Variants in SEC23A observed in about 807,000 individuals in gnomAD.
SEC23A encodes SEC23 homolog A, COPII component, also known as protein transport protein Sec23A.
A neutral mutation model predicts 103.7 loss-of-function variants in SEC23A; 56 were observed. That is an observed-to-expected ratio of 0.54 (90% confidence interval 0.44 to 0.67). The LOEUF (loss-of-function observed/expected upper bound fraction) is 0.67. SEC23A is among the 30% of genes least tolerant of loss of function. SEC23A has a pLI of 0.00. For synonymous variants in SEC23A, 281 were observed against 293.0 expected (o/e 0.96, Z 0.42); for missense variants, 784 against 936.4 (o/e 0.84, Z 2.12).
At chr14:39,054,638 A>AT (rs1044214789) in intron 14 of SEC23A, among the ~76,000 whole-genome samples, 21 of 150,526 alleles carry the variant, frequency 1.4e-4, no homozygotes, top group East Asian at 5.9e-4. Flanking sequence ...TGCCTGGCCA[A>AT]TTTTTTTTTG....
chr14:39,074,666 T>C, intron 8 of SEC23A, 136 bp from the exon 9 acceptor site: 1 of 624,338 alleles, frequency 1.6e-6, no homozygotes, highest in Non-Finnish European at 2.8e-6. Context: ...TAACTTTCTG[T>C]AATGTTAATA....
At chr14:39,050,743 A>C (rs914915558) in intron 14 of SEC23A, among the ~76,000 whole-genome samples, 1 of 152,134 alleles carries the variant, frequency 6.6e-6, no homozygotes, top group Non-Finnish European at 1.5e-5. Flanking sequence ...ACTTGAGCCC[A>C]GGAGTTCAAG....
chr14:39,040,318 T>C (rs1885596614), intron 18 of SEC23A: 3 of 173,570 alleles, frequency 1.7e-5, no homozygotes, highest in South Asian at 2.7e-4. Flanking sequence ...TTCTAGAAAA[T>C]TGGAATGATA....
chr14:39,073,191 A>AAAAAT lies in SEC23A; in HGVS notation c.1103+1219_1103+1223dup, dbSNP rs540475177. ...CCTTGTTCCCTTTTTACTCAGCAGT[A>AAAAAT]AAAATAAAATAAAATAAAATAAAAT... On this transcript the variant is annotated intron_variant, in intron 9 of 19. Coordinates refer to ENST00000307712, the MANE Select transcript of SEC23A (RefSeq NM_006364.4). Among the ~76,000 whole-genome samples the AAAAAT allele has an allele frequency of 3.0e-4, 46 of 152,324 alleles. No individual in the cohort carries two copies. In the East Asian group the frequency reaches 5.2e-3, roughly 17 times the overall value.
At chr14:39,044,310 C>A (rs1275257473) in intron 16 of SEC23A, among the ~76,000 whole-genome samples, 1 of 152,018 alleles carries the variant, frequency 6.6e-6, no homozygotes. Context: ...AAAGTTACTT[C>A]TAAAACATTC....
chr14:39,035,610 A>G (rs965019482), intron 19 of SEC23A, among the ~76,000 whole-genome samples: 7 of 152,156 alleles, frequency 4.6e-5, no homozygotes, highest in African/African-American at 1.4e-4. Context: ...CAACTTTTAG[A>G]ACTTTTGGAC....
At chr14:39,073,962 T>C (rs1886927012) in intron 9 of SEC23A, among the ~76,000 whole-genome samples, 1 of 152,056 alleles carries the variant, frequency 6.6e-6, no homozygotes, top group Non-Finnish European at 1.5e-5. Flanking sequence ...TGTCTAAGGA[T>C]GAGAGGGTGG....
chr14:39,055,884 T>G (rs1001812305), intron 13 of SEC23A, among the ~76,000 whole-genome samples: 1 of 152,246 alleles, frequency 6.6e-6, no homozygotes, highest in Non-Finnish European at 1.5e-5. Flanking sequence ...CTTCAAGTAG[T>G]CTGTTTTAAC....
At chr14:39,082,812 C>T (rs941608142) in intron 7 of SEC23A, among the ~76,000 whole-genome samples, 9 of 152,076 alleles carry the variant, frequency 5.9e-5, no homozygotes, top group South Asian at 2.1e-4. Context: ...AATCAAATTA[C>T]GAGAATACTT....
At chr14:39,078,696 T>C (rs1365858159) in intron 7 of SEC23A, among the ~76,000 whole-genome samples, 1 of 152,094 alleles carries the variant, frequency 6.6e-6, no homozygotes, top group Non-Finnish European at 1.5e-5. Flanking sequence ...AATAAAAGCA[T>C]TAAGAAAATT....
intron 7 of SEC23A, among the ~76,000 whole-genome samples, chr14:39,079,336 G>C (rs576245331): frequency 6.6e-6 from 1 of 152,106 alleles, no homozygotes; most frequent in Admixed American, 6.5e-5. Context: ...TTTTACATAT[G>C]AAAGTATCCT....
At chr14:39,040,095 A>G (rs12897220) in intron 18 of SEC23A, 7,515 of 152,334 alleles carry the variant, frequency 0.049, 269 homozygotes, top group Non-Finnish European at 0.068. Context: ...ACAACTTATA[A>G]TTAATTTATT....
intron 2 of SEC23A, among the ~76,000 whole-genome samples, chr14:39,094,299 T>C (rs1887771266): frequency 9.0e-6 from 1 of 111,700 alleles, no homozygotes; most frequent in Admixed American, 1.0e-4. Flanking sequence ...TATGCATATA[T>C]ACACATATAC....
intron 19 of SEC23A, among the ~76,000 whole-genome samples, chr14:39,035,375 T>C (rs17616038): frequency 0.15 from 22,931 of 152,238 alleles, 1,810 homozygotes; most frequent in Middle Eastern, 0.2. Context: ...GAGTTTAAAA[T>C]AGGTTTCCTT....
At chr14:39,081,822 CAT>C (rs1411692379) in intron 7 of SEC23A, among the ~76,000 whole-genome samples, 1 of 151,992 alleles carries the variant, frequency 6.6e-6, no homozygotes, top group Non-Finnish European at 1.5e-5. Context: ...TATGCACACA[CAT>C]ATACTTATGA....
At chr14:39,042,947 C>T (rs1318838133) in intron 16 of SEC23A, 75 bp from the exon 17 acceptor site, 3 of 949,046 alleles carry the variant, frequency 3.2e-6, no homozygotes, top group Non-Finnish European at 3.3e-6. Context: ...TAGATGTTTC[C>T]AGGTTATTTT....
chr14:39,102,040 T>G (rs2139310881), intron 1 of SEC23A, among the ~76,000 whole-genome samples: 1 of 152,330 alleles, frequency 6.6e-6, no homozygotes, highest in East Asian at 1.9e-4. Context: ...GAGACCAGCC[T>G]GGCCAACATG....
chr14:39,064,855 C>G lies in SEC23A; in HGVS notation c.1308+58G>C, dbSNP rs879125769. The G allele has an allele frequency of 1.4e-5, 17 of 1,240,418 alleles. No homozygotes were observed. The South Asian group carries it at 1.8e-4, about 13-fold the overall frequency. 76.8% of individuals were successfully genotyped at this position (1,240,418 alleles called of 1,614,324 possible). On this transcript the variant is annotated intron_variant, in intron 11 of 19. Coordinates refer to ENST00000307712, the MANE Select transcript of SEC23A (RefSeq NM_006364.4). ...TCAGCTTCCCAAGTACCTGGGATTA[C>G]AGGTGCAAGCCACAGTTCCTGGTCC...
At chr14:39,095,699 C>G (rs1887861976) in intron 2 of SEC23A, among the ~76,000 whole-genome samples, 199 bp downstream of exon 2, 1 of 152,158 alleles carries the variant, frequency 6.6e-6, no homozygotes, top group African/African-American at 2.4e-5. Flanking sequence ...GCCACTTTTA[C>G]ATTTGGTCTC....
Sources: allele counts gnomAD v4.1 joint callset (sites outside exome capture counted in the v4.1 genomes callset), GRCh38; gene constraint gnomAD v4.1.1; transcripts MANE v1.5; gene names NCBI Gene and HGNC (gene_info 2026-07-23, HGNC 2026-07-21).